Variants in PCNT observed in about 807,000 individuals in gnomAD.
The protein encoded by PCNT is pericentrin.
A neutral mutation model predicts 380.4 loss-of-function variants in PCNT; 319 were observed. The observed-to-expected ratio is 0.84, with a 90% CI of 0.77 to 0.92. PCNT has a LOEUF of 0.92. Ranked by LOEUF, PCNT falls within the 40% of genes least tolerant of loss-of-function variation. PCNT has a pLI of 0.00. For missense variants in PCNT, 4,400 were observed against 4,255.3 expected (o/e 1.03, Z -0.95); for synonymous variants, 1,845 against 1,735.2 (o/e 1.06, Z -1.57).
chr21:46,362,981 C>G (rs551451317), intron 13 of PCNT, among the ~76,000 whole-genome samples: 2 of 152,354 alleles, frequency 1.3e-5, no homozygotes, highest in African/African-American at 4.8e-5. Flanking sequence ...CAAGGTCTTT[C>G]ATTGTCCTGG....
At chr21:46,385,082 C>A (rs1213379203) in intron 16 of PCNT, among the ~76,000 whole-genome samples, 1 of 152,220 alleles carries the variant, frequency 6.6e-6, no homozygotes, top group African/African-American at 2.4e-5. Flanking sequence ...TCCCCTGGCA[C>A]CATGGCTCAC....
chr21:46,377,548 A>G (rs2085368491), intron 15 of PCNT, among the ~76,000 whole-genome samples: 1 of 152,232 alleles, frequency 6.6e-6, no homozygotes, highest in Admixed American at 6.5e-5. Context: ...TAGAGCTGAG[A>G]AAAGTTTATT....
At chr21:46,436,183 C>G in intron 39 of PCNT, 35 bp downstream of exon 39, 1 of 1,599,968 alleles carries the variant, frequency 6.3e-7, no homozygotes, top group Non-Finnish European at 8.5e-7. Flanking sequence ...TCACTGGTCC[C>G]TTGCAGCCAC....
intron 34 of PCNT, 145 bp downstream of exon 34, chr21:46,427,940 T>G: frequency 1.2e-6 from 1 of 853,334 alleles, no homozygotes; most frequent in Non-Finnish European, 1.9e-6. Context: ...TACCCAGGTG[T>G]TGACGCTCAG....
chr21:46,430,998 G>C (rs1325558878), intron 37 of PCNT: 1 of 985,474 alleles, frequency 1.0e-6, no homozygotes, highest in East Asian at 1.1e-4. Flanking sequence ...CAGGCTGGTG[G>C]TGGGGCCTCT....
At chr21:46,354,729 C>T (rs2084410592) in intron 11 of PCNT, among the ~76,000 whole-genome samples, 1 of 152,170 alleles carries the variant, frequency 6.6e-6, no homozygotes, top group African/African-American at 2.4e-5. Context: ...GGCCAGGAGC[C>T]CTCACTCTGG....
chr21:46,399,944 CAG>C (rs1387870443), intron 25 of PCNT, 148 bp downstream of exon 25: 8 of 772,768 alleles, frequency 1.0e-5, no homozygotes, highest in Non-Finnish European at 1.4e-5. Context: ...CAGGGAGAAA[CAG>C]AAGTCATTGG....
At chr21:46,397,975 C>G (rs1370824855) in intron 22 of PCNT, 39 bp from the exon 23 acceptor site, 49 of 1,505,514 alleles carry the variant, frequency 3.3e-5, no homozygotes, top group Non-Finnish European at 4.2e-5. Flanking sequence ...GCACGCCAGC[C>G]CCGTTGGGGT....
chr21:46,422,131 C>T lies in PCNT; in HGVS notation c.7179+7C>T. ...GCGTCCGAAGCACGTGAAGGTATGG[C>T]TGGCAGGGGCGGCCCTCACAGCTTC... is the stretch of plus-strand genomic sequence containing the variant. On this transcript the variant is annotated splice_region_variant and intron_variant, in intron 32 of 46. Coordinates refer to ENST00000359568, the MANE Select transcript of PCNT (RefSeq NM_006031.6). 2 of 1,613,176 alleles carry T rather than the reference C, an allele frequency of 1.2e-6. No individual in the cohort carries two copies. Among genetic ancestry groups the T allele is most frequent in the Non-Finnish European group, 1.7e-6 (2 of 1,179,968 alleles).
rs1225660598 is a variant in PCNT at position 46,433,630 on chromosome 21, G to A, written c.8751+1415G>A. The stretch of plus-strand genomic sequence containing the variant: ...AGAACTTCCTGAAACCACGCCTGAA[G>A]TTGCCAGCCAAAACCTTTAATTTTG... On this transcript the variant is annotated intron_variant, in intron 38 of 46. Transcript: ENST00000359568. 2.0e-5 allele frequency among the ~76,000 whole-genome samples: 3 copies of A among 152,128 alleles called. No individual in the cohort carries two copies. The East Asian group carries it at 5.8e-4, about 29-fold the overall frequency.
chr21:46,421,868 G>A (rs1374077092), intron 31 of PCNT, 102 bp from the exon 32 acceptor site: 3 of 1,281,548 alleles, frequency 2.3e-6, no homozygotes, highest in Non-Finnish European at 3.3e-6. Context: ...GGTTGTCGCT[G>A]GGGACTGCGG....
rs1318648644 is a variant in PCNT at position 46,390,830 on chromosome 21, A to C, written c.4001A>C (p.Gln1334Pro). ...AELALELHKT[Q>P]GTLEGFKVET... is the part of the protein sequence containing the mutation. ...CTGGCGCTGGAGCTGCACAAGACTCAGGGTGAGCAGCATGAGGCCTCGGGG... is the reference window on the plus strand; with the variant it reads ...CTGGCGCTGGAGCTGCACAAGACTCCGGGTGAGCAGCATGAGGCCTCGGGG... Residue 1334 changes from glutamine to proline, a missense_variant and splice_region_variant, in exon 20 of 47, where the codon CAG becomes CCG. Transcript: ENST00000359568. 5 of 1,607,552 alleles carry C rather than the reference A, an allele frequency of 3.1e-6. No homozygotes were observed. The highest frequency in any genetic ancestry group is 2.2e-4 in the Middle Eastern group (1 of 4,646).
chr21:46,384,189 G>C, intron 16 of PCNT, among the ~76,000 whole-genome samples: 1 of 146,128 alleles, frequency 6.8e-6, no homozygotes, highest in Non-Finnish European at 1.5e-5. Flanking sequence ...CATTCACGGT[G>C]TTGTGCGTTC....
rs1220133836 is a variant in PCNT, at chr21:46,401,718, C to T, written c.4959C>T (p.Ser1653=). 6.8e-6 allele frequency: 11 copies of T among 1,613,834 alleles called. No individual in the cohort carries two copies. Among genetic ancestry groups the T allele is most frequent in the African/African-American group, 2.7e-5 (2 of 74,896 alleles). The part of the protein sequence containing the change: ...VTQRALLRRE[S]EVLDLKEQLE... ...AGAGAGCACTCCTGCGGCGCGAGAGCGAGGTGAGTGCAGAGTGGGGCCATG... is the reference window on the plus strand; with the variant it reads ...AGAGAGCACTCCTGCGGCGCGAGAGTGAGGTGAGTGCAGAGTGGGGCCATG... Residue 1653 remains serine, a synonymous_variant, in exon 26 of 47, where the codon AGC becomes AGT. Transcript: ENST00000359568.
intron 45 of PCNT, 21 bp downstream of exon 45, chr21:46,443,969 C>A: frequency 1.2e-6 from 2 of 1,607,716 alleles, no homozygotes; most frequent in Non-Finnish European, 1.7e-6. Flanking sequence ...TGCCTTCAGG[C>A]CCCGTCTCCT....
At chr21:46,422,218 G>T in intron 32 of PCNT, 94 bp downstream of exon 32, 1 of 1,493,648 alleles carries the variant, frequency 6.7e-7, no homozygotes. Context: ...GAGAGCCTTG[G>T]AGGGCCAGCT....
At chr21:46,438,904 G>A (rs753388380) in intron 41 of PCNT, among the ~76,000 whole-genome samples, 16 of 151,938 alleles carry the variant, frequency 1.1e-4, no homozygotes, top group African/African-American at 3.4e-4. Flanking sequence ...AAATCCTGAC[G>A]TGATTCCGCC....
At chr21:46,440,810 G>A in intron 42 of PCNT, 45 bp from the exon 43 acceptor site, 1 of 1,175,886 alleles carries the variant, frequency 8.5e-7, no homozygotes, top group Non-Finnish European at 1.3e-6. Context: ...CAGCAAGACA[G>A]TCTTTGTTTC....
rs112061666 is a variant in PCNT, at chr21:46,413,318, C to T, written c.6150+326C>T. 6.8e-3 allele frequency among the ~76,000 whole-genome samples: 533 copies of T among 78,510 alleles called. 21 individuals are homozygous for T. Among genetic ancestry groups the T allele is most frequent in the Non-Finnish European group, 8.7e-3 (356 of 40,984 alleles). The allele number at this position is 78,510 out of a possible 152,430, so 51.5% of individuals were successfully genotyped here. A position where few individuals can be genotyped will look rare whatever the true frequency, so the allele number is the denominator to read the frequency against. On this transcript the variant is annotated intron_variant, in intron 29 of 46. Coordinates refer to ENST00000359568, the MANE Select transcript of PCNT (RefSeq NM_006031.6). ...TGTGGGGAACGGGGAAGGCACGAGG[C>T]CCACCCGGGAGAGGCTGGACACGCG...
Sources: allele counts gnomAD v4.1 joint callset (sites outside exome capture counted in the v4.1 genomes callset), GRCh38; gene constraint gnomAD v4.1.1; transcripts MANE v1.5; gene names NCBI Gene and HGNC (gene_info 2026-07-23, HGNC 2026-07-21).